The following PLEK2 variants were observed in gnomAD, a reference collection of about 807,000 sequenced individuals.
PLEK2 encodes the protein pleckstrin-2.
PLEK2 carries 29 observed loss-of-function variants against 43.8 expected under a neutral mutation model. The ratio of observed to expected loss-of-function variants is 0.66; its 90% CI spans 0.49 to 0.90. The LOEUF (loss-of-function observed/expected upper bound fraction) is 0.90. PLEK2 is among the 40% of genes least tolerant of loss of function. PLEK2 has a pLI of 0.00. For synonymous variants in PLEK2, 162 were observed against 173.2 expected (o/e 0.94, Z 0.51); for missense variants, 398 against 448.1 (o/e 0.89, Z 1.01).
chr14:67,404,010 G>A (rs141827968), intron 1 of PLEK2, among the ~76,000 whole-genome samples: 175 of 152,186 alleles, frequency 1.1e-3, no homozygotes, highest in African/African-American at 3.8e-3. Context: ...CTGTGATTGC[G>A]CTACCACACT....
intron 1 of PLEK2, among the ~76,000 whole-genome samples, chr14:67,406,844 G>A (rs1031073699): frequency 1.3e-5 from 2 of 152,194 alleles, no homozygotes; most frequent in Non-Finnish European, 2.9e-5. Context: ...GTCACAGGCC[G>A]ATAACACAAT....
At position 67,397,716 on chromosome 14, in the gene PLEK2, G is replaced by A. The variant is rs1393109926; in HGVS notation, c.153C>T (p.Ile51=). 6.2e-7 allele frequency: 1 copy of A among 1,613,460 alleles called. No homozygotes were observed. Among genetic ancestry groups the A allele is most frequent in the Non-Finnish European group, 8.5e-7 (1 of 1,179,778 alleles). ...AGGTGATGGTGCAGCCATCCAGGAGGATCCGGCCCTTGGGAGGGGTCACTC... is the reference window on the plus strand; with the variant it reads ...AGGTGATGGTGCAGCCATCCAGGAGAATCCGGCCCTTGGGAGGGGTCACTC... ...GRRVTPPKGR[I]LLDGCTITCP... is the part of the protein sequence containing the mutation. The change falls in exon 2 of 9, where the codon ATC becomes ATT. Residue 51 remains isoleucine, a synonymous_variant. Coordinates refer to ENST00000216446, the MANE Select transcript of PLEK2 (RefSeq NM_016445.3).
At chr14:67,411,974 G>T in intron 1 of PLEK2, 44 bp downstream of exon 1, 3 of 1,502,952 alleles carry the variant, frequency 2.0e-6, no homozygotes, top group Admixed American at 2.1e-5. Flanking sequence ...CCGCGTCGGC[G>T]GGGCCCCACC....
intron 2 of PLEK2, 68 bp from the exon 3 acceptor site, chr14:67,395,651 G>A: frequency 1.4e-6 from 2 of 1,450,674 alleles, no homozygotes; most frequent in South Asian, 1.2e-5. Flanking sequence ...CAGCAAAAAT[G>A]ACGGGGCCCC....
intron 8 of PLEK2, 97 bp downstream of exon 8, chr14:67,388,127 T>A (rs2085939994): frequency 2.6e-6 from 2 of 766,598 alleles, no homozygotes; most frequent in East Asian, 5.1e-5. Flanking sequence ...AAAGCCCTGC[T>A]CGGCTCCCAA....
At chr14:67,399,159 C>A (rs914236731) in intron 1 of PLEK2, among the ~76,000 whole-genome samples, 2 of 152,108 alleles carry the variant, frequency 1.3e-5, no homozygotes, top group African/African-American at 4.8e-5. Flanking sequence ...TCTTACCTAG[C>A]CAGGTGTGGC....
chr14:67,406,361 C>T (rs887726541), intron 1 of PLEK2, among the ~76,000 whole-genome samples: 1 of 151,876 alleles, frequency 6.6e-6, no homozygotes, highest in Non-Finnish European at 1.5e-5. Context: ...TCAGGAGAGG[C>T]TGAGGTGGGG....
chr14:67,394,980 C>T (rs2085996159), intron 3 of PLEK2, among the ~76,000 whole-genome samples: 1 of 152,166 alleles, frequency 6.6e-6, no homozygotes, highest in Non-Finnish European at 1.5e-5. Context: ...CCAGATGCAG[C>T]CCCTCAACCT....
At chr14:67,407,403 G>A (rs2086086048) in intron 1 of PLEK2, among the ~76,000 whole-genome samples, 1 of 151,738 alleles carries the variant, frequency 6.6e-6, no homozygotes, top group South Asian at 2.1e-4. Context: ...TTACAGGCAT[G>A]AGCCACCACG....
Position 67,387,475 on chromosome 14 carries a change from G to GA in PLEK2, c.935-20dup, listed in dbSNP as rs753838580. 1.3e-5 allele frequency: 21 copies of GA among 1,591,628 alleles called. No homozygotes were observed. Among genetic ancestry groups the GA allele is most frequent in the Middle Eastern group, 1.7e-4 (1 of 6,016 alleles). On this transcript the variant is annotated intron_variant, in intron 8 of 8. Coordinates refer to ENST00000216446, the MANE Select transcript of PLEK2 (RefSeq NM_016445.3). ...TTAACCCCTAGGCAGAAAAAAGGGGGAAAAAAATCAGTGATTGAATAGCCA... is the reference window on the plus strand; with the variant it reads ...TTAACCCCTAGGCAGAAAAAAGGGGGAAAAAAAATCAGTGATTGAATAGCCA...
chr14:67,392,467 G>T, intron 5 of PLEK2, 40 bp from the exon 6 acceptor site: 1 of 1,474,164 alleles, frequency 6.8e-7, no homozygotes, highest in Non-Finnish European at 9.5e-7. Context: ...CTACAGAAAA[G>T]ACCCAGGCCC....
At chr14:67,402,310 G>A (rs898384280) in intron 1 of PLEK2, among the ~76,000 whole-genome samples, 1 of 152,018 alleles carries the variant, frequency 6.6e-6, no homozygotes, top group Non-Finnish European at 1.5e-5. Flanking sequence ...TACATAATAA[G>A]TATATATACA....
At chr14:67,402,146 C>A (rs2086052702) in intron 1 of PLEK2, among the ~76,000 whole-genome samples, 1 of 152,172 alleles carries the variant, frequency 6.6e-6, no homozygotes, top group Admixed American at 6.5e-5. Flanking sequence ...ACAACAACAA[C>A]AACATCAACA....
chr14:67,400,056 G>T (rs74764953), intron 1 of PLEK2, among the ~76,000 whole-genome samples: 1,823 of 152,204 alleles, frequency 0.012, 18 homozygotes, highest in Non-Finnish European at 0.018. Flanking sequence ...TCAATCTCTG[G>T]TGCTATGATT....
At chr14:67,402,676 A>C (rs2139882067) in intron 1 of PLEK2, among the ~76,000 whole-genome samples, 1 of 152,308 alleles carries the variant, frequency 6.6e-6, no homozygotes, top group South Asian at 2.1e-4. Flanking sequence ...AGAACATGTG[A>C]CATTTGTCTC....
chr14:67,405,509 G>A lies in PLEK2; in HGVS notation c.42+6509C>T, dbSNP rs117615577. 6.0e-3 allele frequency among the ~76,000 whole-genome samples: 911 copies of A among 152,232 alleles called. 8 individuals carry two copies. The highest frequency in any genetic ancestry group is 0.02 in the African/African-American group (818 of 41,536). ...CCCCACCCAGTATGAAAAGTTCCAG[G>A]ACAGATGACTGGCATGGCCTCAGTG... On this transcript the variant is annotated intron_variant, in intron 1 of 8. Coordinates refer to ENST00000216446, the MANE Select transcript of PLEK2 (RefSeq NM_016445.3).
rs3784086 is a variant in PLEK2, at chr14:67,409,718, G to A, written c.42+2300C>T. 1.1e-4 allele frequency among the ~76,000 whole-genome samples: 17 copies of A among 152,190 alleles called. No individual in the cohort carries two copies. The East Asian group carries it at 2.3e-3, about 21-fold the overall frequency. ...CATGTCCCTGCCTGTCTCTGGCTTC[G>A]CTTTCACCGGTGATGACTGCTCTGC... is the stretch of plus-strand genomic sequence containing the variant. On this transcript the variant is annotated intron_variant, in intron 1 of 8. Transcript: ENST00000216446.
At chr14:67,395,634 C>T (rs776960472) in intron 2 of PLEK2, 51 bp from the exon 3 acceptor site, 27 of 1,551,700 alleles carry the variant, frequency 1.7e-5, no homozygotes, top group Admixed American at 5.3e-5. Context: ...AGCAAGAGGA[C>T]GCCGGGCAGC....
At chr14:67,391,714 C>T (rs1388657249) in intron 6 of PLEK2, among the ~76,000 whole-genome samples, 1 of 152,188 alleles carries the variant, frequency 6.6e-6, no homozygotes, top group Non-Finnish European at 1.5e-5. Context: ...TGATTTTGTT[C>T]ACAGAATACC....
Sources: gnomAD v4.1 joint callset for allele counts (sites outside exome capture counted in the v4.1 genomes callset) on GRCh38, gnomAD v4.1.1 for gene constraint, MANE v1.5 for transcripts, NCBI Gene and HGNC (gene_info 2026-07-23, HGNC 2026-07-21) for gene names.